The following DENND1B variants were observed in gnomAD, a reference collection of about 807,000 sequenced individuals.
DENND1B encodes DENN domain containing 1B, also known as DENN domain-containing protein 1B.
Under a neutral mutation model 90.1 loss-of-function variants are expected in DENND1B, and 59 were observed. That is an observed-to-expected ratio of 0.65 (90% confidence interval 0.53 to 0.81). The LOEUF (loss-of-function observed/expected upper bound fraction) is 0.81. DENND1B is among the 40% of genes least tolerant of loss of function. DENND1B has a pLI of 0.00. For synonymous variants in DENND1B, 337 were observed against 324.6 expected, an observed-to-expected ratio of 1.04 and a Z score of -0.41; for missense variants, 862 against 912.6, an observed-to-expected ratio of 0.94 and a Z score of 0.71.
chr1:197,571,379 G>A (rs1269585670), intron 15 of DENND1B, among the ~76,000 whole-genome samples: 1 of 152,074 alleles, frequency 6.6e-6, no homozygotes, highest in Non-Finnish European at 1.5e-5. Flanking sequence ...TCTTTTCCAT[G>A]CCCACATTTC....
At chr1:197,604,246 A>T (rs1214147127) in intron 13 of DENND1B, among the ~76,000 whole-genome samples, 1 of 151,228 alleles carries the variant, frequency 6.6e-6, no homozygotes, top group Non-Finnish European at 1.5e-5. Context: ...AAATCAAAAA[A>T]CAAGTGTTCT....
chr1:197,617,734 G>C lies in DENND1B; in HGVS notation c.698C>G (p.Ala233Gly). The change falls in exon 11 of 23, where the codon GCT becomes GGT. Residue 233 changes from alanine (A) to glycine (G), a missense_variant. By Grantham distance (60) the Ala-to-Gly change is moderately conservative. Transcript: ENST00000620048. ...CCAATACATTGGGTATAGAAGAGCA[G>C]CTGATCCATGGATACAGGCAGTTAA... ...STLTACIHGSAALLYPMYWQH... is the reference protein window; with the variant it reads ...STLTACIHGSGALLYPMYWQH... The C allele has an allele frequency of 6.2e-7, 1 of 1,607,468 alleles. No individual in the cohort carries two copies. The highest frequency in any genetic ancestry group is 8.5e-7 in the Non-Finnish European group (1 of 1,175,368).
intron 2 of DENND1B, among the ~76,000 whole-genome samples, chr1:197,727,581 T>C (rs987360794): frequency 4.6e-5 from 7 of 151,966 alleles, no homozygotes; most frequent in African/African-American, 1.4e-4. Context: ...ATTATCAAGT[T>C]ACTGGGAATT....
At chr1:197,762,044 C>A (rs1364006465) in intron 2 of DENND1B, 1 of 151,844 alleles carries the variant, frequency 6.6e-6, no homozygotes, top group Non-Finnish European at 1.5e-5. Flanking sequence ...ATAATCAGAA[C>A]AATCTTTTAC....
rs565526591 is a variant in DENND1B, at chr1:197,566,271, G to T, written c.1150-13159C>A. ...GTGAGCAATTTTTCATGTGTTTTTTGGCTGCATAAATGTCTTCTTTTGAGA... is the reference window on the plus strand; with the variant it reads ...GTGAGCAATTTTTCATGTGTTTTTTTGCTGCATAAATGTCTTCTTTTGAGA... On this transcript the variant is annotated intron_variant, in intron 15 of 22. Coordinates refer to ENST00000620048, the MANE Select transcript of DENND1B (RefSeq NM_001195215.2). Among the ~76,000 whole-genome samples the T allele has an allele frequency of 1.0e-3, 159 of 152,038 alleles. 1 individual carries two copies. The East Asian group carries it at 0.013, about 13-fold the overall frequency.
chr1:197,629,003 A>C (rs529536293), intron 10 of DENND1B, among the ~76,000 whole-genome samples: 19,023 of 151,156 alleles, frequency 0.13, 1,674 homozygotes, highest in Middle Eastern at 0.26. Flanking sequence ...GTTAGAATGA[A>C]CATCATTAAA....
chr1:197,705,088 T>C (rs1325028625), intron 3 of DENND1B, among the ~76,000 whole-genome samples: 1 of 152,156 alleles, frequency 6.6e-6, no homozygotes, highest in Non-Finnish European at 1.5e-5. Flanking sequence ...AAGAGCTTTT[T>C]AAGATTATAA....
At chr1:197,758,054 A>G (rs1437931488) in intron 2 of DENND1B, among the ~76,000 whole-genome samples, 1 of 152,214 alleles carries the variant, frequency 6.6e-6, no homozygotes, top group Non-Finnish European at 1.5e-5. Context: ...GAAGTTGTAC[A>G]TGTGAAAAAT....
At chr1:197,682,971 C>A (rs1477759695) in intron 3 of DENND1B, among the ~76,000 whole-genome samples, 1 of 152,096 alleles carries the variant, frequency 6.6e-6, no homozygotes, top group East Asian at 1.9e-4. Flanking sequence ...GTAGCATTCT[C>A]TTTTACTTTC....
Position 197,674,156 on chromosome 1 carries a change from C to T in DENND1B, c.140G>A (p.Ser47Asn). ...EDFGDQEILQSVPKFCFPFDV... is the reference protein window; with the variant it reads ...EDFGDQEILQNVPKFCFPFDV... ...AAAGGGAAAACAGAACTTTGGCACACTCTGTAGTATTTCCTACAAATGGAA... is the reference window on the plus strand; with the variant it reads ...AAAGGGAAAACAGAACTTTGGCACATTCTGTAGTATTTCCTACAAATGGAA... Residue 47 changes from serine to asparagine, a missense_variant, in exon 4 of 23, where the codon AGT (serine) becomes AAT (asparagine). Coordinates refer to ENST00000620048, the MANE Select transcript of DENND1B (RefSeq NM_001195215.2). The T allele has an allele frequency of 6.2e-7, 1 of 1,601,672 alleles. No individual in the cohort carries two copies. The highest frequency in any genetic ancestry group is 1.1e-5 in the South Asian group (1 of 89,352).
intron 3 of DENND1B, among the ~76,000 whole-genome samples, chr1:197,674,384 G>A (rs1200412485): frequency 6.6e-6 from 1 of 152,084 alleles, no homozygotes; most frequent in Non-Finnish European, 1.5e-5. Context: ...AAACCCCAGG[G>A]GGGAAAGGCC....
chr1:197,595,132 A>C, intron 14 of DENND1B, 76 bp downstream of exon 14: 1 of 1,493,210 alleles, frequency 6.7e-7, no homozygotes, highest in South Asian at 1.3e-5. Flanking sequence ...TATTAAAATG[A>C]TGTCTCTTTT....
At chr1:197,750,221 T>A (rs1653289206) in intron 2 of DENND1B, among the ~76,000 whole-genome samples, 1 of 152,132 alleles carries the variant, frequency 6.6e-6, no homozygotes, top group Admixed American at 6.5e-5. Context: ...AAAATATAAG[T>A]GAACTCTTGG....
chr1:197,562,612 T>A (rs139099455), intron 15 of DENND1B, among the ~76,000 whole-genome samples: 2,285 of 151,970 alleles, frequency 0.015, 29 homozygotes, highest in Non-Finnish European at 0.022. Flanking sequence ...GTGTCCTGAC[T>A]GCTCCACTGA....
chr1:197,726,796 G>A (rs1450713081), intron 2 of DENND1B, among the ~76,000 whole-genome samples: 1 of 152,200 alleles, frequency 6.6e-6, no homozygotes, highest in Admixed American at 6.5e-5. Context: ...AAATATCAAT[G>A]TGATGTGATG....
intron 2 of DENND1B, among the ~76,000 whole-genome samples, chr1:197,765,462 C>T (rs993337883): frequency 9.2e-5 from 14 of 152,180 alleles, no homozygotes; most frequent in African/African-American, 2.9e-4. Context: ...GTATACTGTA[C>T]ACAGTAAATT....
chr1:197,665,053 T>A (rs190594646), intron 5 of DENND1B, among the ~76,000 whole-genome samples: 1 of 152,238 alleles, frequency 6.6e-6, no homozygotes, highest in East Asian at 1.9e-4. Flanking sequence ...TAGTAATATC[T>A]CAGGATATTT....
intron 14 of DENND1B, among the ~76,000 whole-genome samples, chr1:197,584,028 A>G (rs1674477965): frequency 6.6e-6 from 1 of 152,236 alleles, no homozygotes; most frequent in Non-Finnish European, 1.5e-5. Flanking sequence ...ACTAAACTTT[A>G]TGACAAAAAT....
intron 10 of DENND1B, among the ~76,000 whole-genome samples, chr1:197,621,146 G>A (rs1678119842): frequency 6.6e-6 from 1 of 151,328 alleles, no homozygotes; most frequent in African/African-American, 2.4e-5. Flanking sequence ...AGGTCAGATA[G>A]AGAAGCAGAA....
Sources: gnomAD v4.1 joint callset for allele counts (sites outside exome capture counted in the v4.1 genomes callset) on GRCh38, gnomAD v4.1.1 for gene constraint, MANE v1.5 for transcripts, NCBI Gene and HGNC (gene_info 2026-07-23, HGNC 2026-07-21) for gene names.